Variants in TLL2 observed in about 807,000 individuals in gnomAD.
TLL2 encodes tolloid-like protein 2.
In TLL2, 106 loss-of-function variants were observed where a neutral mutation model predicts 123.0. The ratio of observed to expected loss-of-function variants is 0.86; its 90% CI spans 0.74 to 1.01. The LOEUF (loss-of-function observed/expected upper bound fraction) is 1.01. Ranked by LOEUF, TLL2 falls within the 50% of genes least tolerant of loss-of-function variation. The pLI is 0.00. For synonymous variants in TLL2, 494 were observed against 516.8 expected (o/e 0.96, Z 0.60); for missense variants, 1,332 against 1,336.7 (o/e 1.00, Z 0.06).
At chr10:96,380,576 C>T (rs1846176661) in intron 16 of TLL2, among the ~76,000 whole-genome samples, 1 of 151,690 alleles carries the variant, frequency 6.6e-6, no homozygotes. Context: ...GCCTGTAGTC[C>T]CAGCTACTCG....
intron 2 of TLL2, among the ~76,000 whole-genome samples, chr10:96,459,699 A>T (rs1192156881): frequency 0.094 from 5,004 of 53,138 alleles, 311 homozygotes; most frequent in Non-Finnish European, 0.14. Context: ...AAAAAAAAAA[A>T]AAAAAAATAT....
intron 2 of TLL2, among the ~76,000 whole-genome samples, chr10:96,479,831 C>A (rs914571967): frequency 1.3e-5 from 2 of 152,170 alleles, no homozygotes; most frequent in Non-Finnish European, 2.9e-5. Flanking sequence ...TAAGGAGAGT[C>A]CCCCCATACT....
chr10:96,392,738 AGCTTG>A (rs2134061317), intron 13 of TLL2, among the ~76,000 whole-genome samples: 2 of 152,374 alleles, frequency 1.3e-5, no homozygotes, highest in East Asian at 3.9e-4. Flanking sequence ...AGCTGTCTAC[AGCTTG>A]GCCTCTACAA....
intron 10 of TLL2, among the ~76,000 whole-genome samples, chr10:96,400,075 GTCTCAGTGT>G (rs904562499): frequency 1.3e-5 from 2 of 152,160 alleles, no homozygotes; most frequent in African/African-American, 4.8e-5. Context: ...CTTAACTGAT[GTCTCAGTGT>G]TCTCATCTTC....
At chr10:96,482,686 G>A (rs1001414176) in intron 1 of TLL2, among the ~76,000 whole-genome samples, 10 of 152,230 alleles carry the variant, frequency 6.6e-5, no homozygotes, top group Non-Finnish European at 1.3e-4. Context: ...AGGATCGACT[G>A]TAAATGAACA....
chr10:96,405,199 C>G (rs369316908), intron 10 of TLL2, 33 bp downstream of exon 10: 7 of 1,592,770 alleles, frequency 4.4e-6, no homozygotes, highest in Non-Finnish European at 5.2e-6. Context: ...CATCCCATCA[C>G]TCCTCTCTTA....
Position 96,513,811 on chromosome 10 carries a change from A to T in TLL2, c.-126T>A. The stretch of plus-strand genomic sequence containing the variant: ...CGGTGGTTACACAGGGCTGCTGGGC[A>T]TGGCTCAGGCGCGGAGCAAGCGGAG... On this transcript the variant is annotated 5_prime_UTR_variant, in exon 1 of 21. It removes an upstream start codon present in the reference 5' UTR. Coordinates refer to ENST00000357947, the MANE Select transcript of TLL2 (RefSeq NM_012465.4). The T allele has an allele frequency of 9.5e-7, 1 of 1,048,032 alleles. No individual in the cohort carries two copies. Among genetic ancestry groups the T allele is most frequent in the Non-Finnish European group, 1.3e-6 (1 of 778,046 alleles). The allele number at this position is 1,048,032 out of a possible 1,614,324, so 64.9% of individuals were successfully genotyped here.
chr10:96,418,707 A>G (rs1001699974), intron 7 of TLL2, among the ~76,000 whole-genome samples: 3 of 148,234 alleles, frequency 2.0e-5, no homozygotes, highest in Non-Finnish European at 4.5e-5. Flanking sequence ...ATATATGAAT[A>G]TATATGTATA....
intron 2 of TLL2, among the ~76,000 whole-genome samples, chr10:96,477,214 GA>G (rs895479521): frequency 3.5e-4 from 51 of 147,214 alleles, no homozygotes; most frequent in African/African-American, 1.1e-3. Flanking sequence ...AAACACACTA[GA>G]AAAAAAAATA....
At position 96,376,690 on chromosome 10, in the gene TLL2, A is replaced by G; in HGVS notation, c.2448+2T>C. On this transcript the variant is annotated splice_donor_variant, in intron 18 of 20. Transcript: ENST00000357947. LOFTEE classifies it high-confidence loss of function. ...TCTCAATAAACTACAAAAATGACTC[A>G]CGAGTTTCACTCTGTGGCCTGCAGT... The G allele has an allele frequency of 6.2e-7, 1 of 1,609,644 alleles. No homozygotes were observed. Among genetic ancestry groups the G allele is most frequent in the South Asian group, 1.1e-5 (1 of 90,714 alleles).
At chr10:96,404,001 T>C (rs1846423999) in intron 10 of TLL2, among the ~76,000 whole-genome samples, 1 of 152,028 alleles carries the variant, frequency 6.6e-6, no homozygotes, top group Non-Finnish European at 1.5e-5. Context: ...ATTCTTTTGC[T>C]CACATGTTTG....
intron 1 of TLL2, among the ~76,000 whole-genome samples, chr10:96,498,399 G>T (rs1006464326): frequency 1.3e-5 from 2 of 152,184 alleles, no homozygotes; most frequent in African/African-American, 4.8e-5. Flanking sequence ...CATTCTAGAA[G>T]ATTTGACTCA....
At chr10:96,466,927 C>A (rs1344711420) in intron 2 of TLL2, among the ~76,000 whole-genome samples, 1 of 152,132 alleles carries the variant, frequency 6.6e-6, no homozygotes, top group East Asian at 1.9e-4. Flanking sequence ...ATGAGGAAAC[C>A]GAGGTCCCCC....
At position 96,366,387 on chromosome 10, in the gene TLL2, G is replaced by A. The variant is rs966438618; in HGVS notation, c.*1701C>T. On this transcript the variant is annotated 3_prime_UTR_variant, in exon 21 of 21. Transcript: ENST00000357947. ...GCCCACAGTAAAGCGAGGACCAGGGGTTGGCATTTTCCACACTGCATTGAT... is the reference window on the plus strand; with the variant it reads ...GCCCACAGTAAAGCGAGGACCAGGGATTGGCATTTTCCACACTGCATTGAT... 6.5e-6 allele frequency: 1 copy of A among 152,780 alleles called. No homozygotes were observed. Among genetic ancestry groups the A allele is most frequent in the East Asian group, 1.9e-4 (1 of 5,184 alleles). 9.5% of individuals were successfully genotyped at this position (152,780 alleles called of 1,614,324 possible).
At chr10:96,385,529 G>C (rs115823419) in intron 15 of TLL2, among the ~76,000 whole-genome samples, 3,829 of 152,186 alleles carry the variant, frequency 0.025, 61 homozygotes, top group South Asian at 0.065. Context: ...CAGCTGGGGT[G>C]GGGAGGGGAG....
At chr10:96,485,636 TA>T (rs1297945263) in intron 1 of TLL2, among the ~76,000 whole-genome samples, 1 of 152,082 alleles carries the variant, frequency 6.6e-6, no homozygotes, top group Non-Finnish European at 1.5e-5. Flanking sequence ...AATTAGAAAA[TA>T]AAAAGTGTTG....
chr10:96,501,489 T>C (rs1241362895), intron 1 of TLL2, among the ~76,000 whole-genome samples: 2 of 152,232 alleles, frequency 1.3e-5, no homozygotes, highest in African/African-American at 4.8e-5. Flanking sequence ...GTCTTCACTG[T>C]AACAGTCCTC....
rs896354606 is a variant in TLL2 at position 96,365,552 on chromosome 10, A to G, written c.*2536T>C. The G allele has an allele frequency of 4.6e-5, 7 of 152,254 alleles. No individual in the cohort carries two copies. Among genetic ancestry groups the G allele is most frequent in the African/African-American group, 1.7e-4 (7 of 41,466 alleles). The allele number at this position is 152,254 out of a possible 1,614,324, so 9.4% of individuals were successfully genotyped here. A position where few individuals can be genotyped will look rare whatever the true frequency, so the allele number is the denominator to read the frequency against. The stretch of plus-strand genomic sequence containing the variant: ...TCCCCAAAGCTTGGTACCCAATTAA[A>G]GCACAAAGCAGGCTGCAGTGATATC... On this transcript the variant is annotated 3_prime_UTR_variant, in exon 21 of 21. Coordinates refer to ENST00000357947, the MANE Select transcript of TLL2 (RefSeq NM_012465.4).
chr10:96,507,845 A>G (rs1208271942), intron 1 of TLL2, among the ~76,000 whole-genome samples: 1 of 151,584 alleles, frequency 6.6e-6, no homozygotes, highest in Non-Finnish European at 1.5e-5. Flanking sequence ...GAGAAGGTGG[A>G]CTAGATTCTG....
Sources: allele counts gnomAD v4.1 joint callset (sites outside exome capture counted in the v4.1 genomes callset), GRCh38; gene constraint gnomAD v4.1.1; transcripts MANE v1.5; gene names NCBI Gene and HGNC (gene_info 2026-07-23, HGNC 2026-07-21).